The following CHN1 variants were observed in gnomAD, a reference collection of about 807,000 sequenced individuals.
CHN1 encodes N-chimaerin.
CHN1 carries 37 observed loss-of-function variants against 59.5 expected under a neutral mutation model. The observed-to-expected ratio is 0.62, with a 90% CI of 0.48 to 0.82. The LOEUF (loss-of-function observed/expected upper bound fraction) is 0.82. Ranked by LOEUF, CHN1 falls within the 40% of genes least tolerant of loss-of-function variation. The pLI, the probability that CHN1 is intolerant of heterozygous loss-of-function variation, is 0.00. For synonymous variants in CHN1, 206 were observed against 200.4 expected (o/e 1.03, Z -0.24); for missense variants, 469 against 571.0 (o/e 0.82, Z 1.82).
At chr2:174,852,219 G>A (rs1362444604) in intron 6 of CHN1, among the ~76,000 whole-genome samples, 1 of 152,108 alleles carries the variant, frequency 6.6e-6, no homozygotes, top group Admixed American at 6.6e-5. Flanking sequence ...AACCTGGGAG[G>A]CAGTGGTTGC....
intron 7 of CHN1, among the ~76,000 whole-genome samples, chr2:174,838,695 TG>T (rs1686181303): frequency 6.6e-6 from 1 of 152,034 alleles, no homozygotes; most frequent in South Asian, 2.1e-4. Context: ...GTTGGACTGT[TG>T]TATGAACATG....
intron 8 of CHN1, among the ~76,000 whole-genome samples, chr2:174,815,273 G>A (rs993390915): frequency 1.2e-4 from 18 of 152,046 alleles, no homozygotes; most frequent in African/African-American, 2.4e-4. Flanking sequence ...GCTACTCAGC[G>A]GGCTTGTGGT....
rs759957900 is a variant in CHN1, at chr2:174,811,593, A to G, written c.887-5T>C. On this transcript the variant is annotated splice_region_variant and splice_polypyrimidine_tract_variant and intron_variant, in intron 9 of 12. Coordinates refer to ENST00000409900, the MANE Select transcript of CHN1 (RefSeq NM_001822.7). Reference sequence around the variant, plus strand: ...ATAGTCCTTCAGAATTAAGACCTGAAAAATAAAACTAGTTAGTTTCTTTGA... The same window carrying G: ...ATAGTCCTTCAGAATTAAGACCTGAGAAATAAAACTAGTTAGTTTCTTTGA... 3 of 1,576,076 alleles carry G rather than the reference A, an allele frequency of 1.9e-6. No individual in the cohort carries two copies. Among genetic ancestry groups the G allele is most frequent in the Non-Finnish European group, 2.6e-6 (3 of 1,153,720 alleles).
intron 5 of CHN1, among the ~76,000 whole-genome samples, chr2:174,885,942 T>C (rs1687881252): frequency 6.6e-6 from 1 of 152,170 alleles, no homozygotes; most frequent in East Asian, 1.9e-4. Context: ...AAAACTAGAG[T>C]AGGCCTAGAA....
At chr2:174,890,666 T>G (rs947250743) in intron 5 of CHN1, among the ~76,000 whole-genome samples, 6 of 151,714 alleles carry the variant, frequency 4.0e-5, no homozygotes, top group African/African-American at 1.5e-4. Flanking sequence ...TAATAATGAG[T>G]AGAAAAACCA....
At chr2:174,852,221 A>C (rs187310117) in intron 6 of CHN1, among the ~76,000 whole-genome samples, 225 of 152,180 alleles carry the variant, frequency 1.5e-3, no homozygotes, top group Non-Finnish European at 5.3e-4. Context: ...CCTGGGAGGC[A>C]GTGGTTGCAG....
intron 5 of CHN1, among the ~76,000 whole-genome samples, chr2:174,899,877 T>C (rs148787609): frequency 6.6e-6 from 1 of 152,330 alleles, no homozygotes; most frequent in African/African-American, 2.4e-5. Flanking sequence ...TTATACCATA[T>C]GGTATTCTGT....
chr2:174,988,434 T>C (rs1691426396), intron 1 of CHN1, among the ~76,000 whole-genome samples: 3 of 152,008 alleles, frequency 2.0e-5, no homozygotes, highest in African/African-American at 7.2e-5. Flanking sequence ...GGCGTAAGAT[T>C]TGATGGCATT....
At chr2:174,847,638 C>CATTAG (rs994852771) in intron 6 of CHN1, 3 of 1,322,610 alleles carry the variant, frequency 2.3e-6, no homozygotes, top group Admixed American at 4.7e-5. Flanking sequence ...AGGAAGGCTG[C>CATTAG]ATTAGATTGG....
chr2:175,004,965 T>C lies in CHN1; in HGVS notation c.-53A>G. 1.3e-6 allele frequency: 2 copies of C among 1,515,582 alleles called. No individual in the cohort carries two copies. The highest frequency in any genetic ancestry group is 1.8e-6 in the Non-Finnish European group (2 of 1,134,792). 93.9% of individuals were successfully genotyped at this position (1,515,582 alleles called of 1,614,324 possible). ...GTCCAGGCGCTCCTCCCAGGCGGGCTAGGGATCACCTCATCAGCCCGCCGC... is the reference window on the plus strand; with the variant it reads ...GTCCAGGCGCTCCTCCCAGGCGGGCCAGGGATCACCTCATCAGCCCGCCGC... On this transcript the variant is annotated 5_prime_UTR_variant, in exon 1 of 13. Transcript: ENST00000409900.
intron 5 of CHN1, among the ~76,000 whole-genome samples, chr2:174,896,764 G>A (rs975791705): frequency 2.0e-5 from 3 of 151,876 alleles, no homozygotes; most frequent in Admixed American, 6.6e-5. Flanking sequence ...AATGGTTATG[G>A]GTGTTGGTGC....
intron 6 of CHN1, among the ~76,000 whole-genome samples, chr2:174,848,836 T>A (rs1686631427): frequency 6.6e-6 from 1 of 152,182 alleles, no homozygotes; most frequent in Non-Finnish European, 1.5e-5. Context: ...GTTTATATAC[T>A]TAGATAATTA....
At chr2:174,992,394 T>C (rs932352572) in intron 1 of CHN1, among the ~76,000 whole-genome samples, 6 of 152,034 alleles carry the variant, frequency 3.9e-5, no homozygotes, top group African/African-American at 1.4e-4. Context: ...GGTCAGTTCT[T>C]GAAAAGCACT....
intron 3 of CHN1, among the ~76,000 whole-genome samples, chr2:174,923,136 T>C: frequency 6.6e-6 from 1 of 151,876 alleles, no homozygotes; most frequent in Non-Finnish European, 1.5e-5. Flanking sequence ...TTTAACAATA[T>C]AATTTTTTTT....
intron 1 of CHN1, among the ~76,000 whole-genome samples, chr2:174,997,859 G>C (rs1167188821): frequency 1.3e-5 from 2 of 151,590 alleles, no homozygotes; most frequent in Non-Finnish European, 2.9e-5. Context: ...AATTAGCTGG[G>C]TGTGGTAGTC....
At chr2:174,910,022 C>T (rs77617977) in intron 5 of CHN1, among the ~76,000 whole-genome samples, 6,332 of 152,222 alleles carry the variant, frequency 0.042, 467 homozygotes, top group African/African-American at 0.14. Context: ...ACTTCATTTC[C>T]AAAGTTCTAA....
At chr2:174,879,476 T>G (rs1010139731) in intron 5 of CHN1, among the ~76,000 whole-genome samples, 1 of 152,212 alleles carries the variant, frequency 6.6e-6, no homozygotes, top group Admixed American at 6.5e-5. Context: ...GAACTATCCA[T>G]ATAATTACAC....
intron 11 of CHN1, among the ~76,000 whole-genome samples, chr2:174,808,610 A>G (rs1684979651): frequency 6.6e-6 from 1 of 151,048 alleles, no homozygotes; most frequent in African/African-American, 2.4e-5. Context: ...TTACTTTTCC[A>G]GTTATTCATT....
chr2:174,849,651 A>AGTAG (rs1686661146), intron 6 of CHN1, among the ~76,000 whole-genome samples: 1 of 152,232 alleles, frequency 6.6e-6, no homozygotes, highest in South Asian at 2.1e-4. Flanking sequence ...TCATATATAG[A>AGTAG]ATCTATTAAT....
Sources: gnomAD v4.1 joint callset for allele counts (sites outside exome capture counted in the v4.1 genomes callset) on GRCh38, gnomAD v4.1.1 for gene constraint, MANE v1.5 for transcripts, NCBI Gene and HGNC (gene_info 2026-07-23, HGNC 2026-07-21) for gene names.